The following TRIQK variants were observed in gnomAD, a reference collection of about 807,000 sequenced individuals.
The protein encoded by TRIQK is triple QxxK/R motif containing, also known as triple QxxK/R motif-containing protein.
TRIQK carries 10 observed loss-of-function variants against 10.8 expected under a neutral mutation model. The ratio of observed to expected loss-of-function variants is 0.92; its 90% CI spans 0.57 to 1.57. The LOEUF (loss-of-function observed/expected upper bound fraction) is 1.57. Among genes scored for constraint, TRIQK ranks in the 40% most tolerant of loss-of-function variants. The pLI, the probability that TRIQK is intolerant of heterozygous loss-of-function variation, is 0.00. For synonymous variants in TRIQK, 33 were observed against 33.7 expected (o/e 0.98, Z 0.07); for missense variants, 107 against 97.7 (o/e 1.09, Z -0.40).
At chr8:92,946,329 C>T (rs1811530790) in intron 2 of TRIQK, among the ~76,000 whole-genome samples, 1 of 152,060 alleles carries the variant, frequency 6.6e-6, no homozygotes, top group Non-Finnish European at 1.5e-5. Context: ...TTTTTCCAAC[C>T]TGGAACAGCT....
intron 1 of TRIQK, among the ~76,000 whole-genome samples, chr8:92,992,875 G>A (rs1813111960): frequency 1.3e-5 from 2 of 152,154 alleles, no homozygotes; most frequent in Non-Finnish European, 2.9e-5. Context: ...CTGAAATGGT[G>A]ACACCAATGA....
chr8:92,916,358 T>C (rs903017521), intron 3 of TRIQK, among the ~76,000 whole-genome samples: 2 of 152,154 alleles, frequency 1.3e-5, no homozygotes, highest in Admixed American at 6.6e-5. Context: ...TCTACTAGGG[T>C]AGTATCTCCT....
chr8:92,944,852 G>A (rs1372907497), intron 2 of TRIQK, among the ~76,000 whole-genome samples: 1 of 152,076 alleles, frequency 6.6e-6, no homozygotes, highest in South Asian at 2.1e-4. Context: ...GGAGAATTTT[G>A]AATGTTCTCA....
intron 2 of TRIQK, among the ~76,000 whole-genome samples, chr8:92,938,313 T>C (rs1375558624): frequency 1.3e-5 from 2 of 152,122 alleles, no homozygotes; most frequent in African/African-American, 2.4e-5. Context: ...ATTGGATATA[T>C]GTATACAATT....
Position 92,885,036 on chromosome 8 carries a change from T to C in TRIQK, c.*1586A>G, listed in dbSNP as rs770850643. On this transcript the variant is annotated 3_prime_UTR_variant, in exon 5 of 5. Transcript: ENST00000521988. Reference sequence around the variant, plus strand: ...GGATTGGTCCGCTGTGGTGAGTATATAAGAACTCTTGGTCTGTCTCTTGAG... The same window carrying C: ...GGATTGGTCCGCTGTGGTGAGTATACAAGAACTCTTGGTCTGTCTCTTGAG... 6.6e-6 allele frequency: 3 copies of C among 455,802 alleles called. No individual in the cohort carries two copies. Among genetic ancestry groups the C allele is most frequent in the South Asian group, 4.6e-5 (3 of 64,526 alleles). The allele number at this position is 455,802 out of a possible 1,614,324, so 28.2% of individuals were successfully genotyped here. A position where few individuals can be genotyped will look rare whatever the true frequency, so the allele number is the denominator to read the frequency against.
chr8:92,897,869 A>G (rs1398257904), intron 3 of TRIQK, among the ~76,000 whole-genome samples: 3 of 151,968 alleles, frequency 2.0e-5, no homozygotes, highest in Non-Finnish European at 4.4e-5. Flanking sequence ...AGAGGTTTAT[A>G]GTTATGCCTT....
At chr8:92,892,524 C>T (rs184715788) in intron 3 of TRIQK, among the ~76,000 whole-genome samples, 251 of 151,814 alleles carry the variant, frequency 1.7e-3, no homozygotes, top group Middle Eastern at 3.4e-3. Context: ...AGAAATATCC[C>T]CAAGTTTCCT....
At chr8:92,968,485 A>G (rs966712922), upstream of TRIQK, among the ~76,000 whole-genome samples, 2 of 152,150 alleles carry the variant, frequency 1.3e-5, no homozygotes, top group Non-Finnish European at 2.9e-5. Context: ...CTTTTTAATG[A>G]TCACCATTCT....
intron 2 of TRIQK, among the ~76,000 whole-genome samples, chr8:92,947,447 G>A (rs751821972): frequency 1.3e-5 from 2 of 151,892 alleles, no homozygotes; most frequent in African/African-American, 2.4e-5. Context: ...AGCTAGGCAT[G>A]GTGGTGGACT....
chr8:92,894,016 C>T (rs1050427141), intron 3 of TRIQK, among the ~76,000 whole-genome samples: 17 of 151,944 alleles, frequency 1.1e-4, no homozygotes, highest in African/African-American at 2.4e-5. Flanking sequence ...ACTTCAACTG[C>T]CATATAACCA....
chr8:92,923,880 C>A (rs1015377009), intron 2 of TRIQK, among the ~76,000 whole-genome samples: 2 of 151,654 alleles, frequency 1.3e-5, no homozygotes, highest in African/African-American at 4.8e-5. Flanking sequence ...TCATTTATAC[C>A]TTTTTTATGA....
intron 4 of TRIQK, among the ~76,000 whole-genome samples, chr8:92,890,279 C>T (rs1271835946): frequency 6.6e-6 from 1 of 151,696 alleles, no homozygotes; most frequent in Non-Finnish European, 1.5e-5. Flanking sequence ...AGGCTCTCCA[C>T]ATAAATTGTC....
chr8:92,952,080 G>GA lies in TRIQK; in HGVS notation c.-22+2325dup, dbSNP rs112928581. Among the ~76,000 whole-genome samples the GA allele has an allele frequency of 2.3e-3, 326 of 142,274 alleles. 1 individual carries two copies. The highest frequency in any genetic ancestry group is 5.7e-3 in the African/African-American group (224 of 39,116). 93.3% of individuals were successfully genotyped at this position (142,274 alleles called of 152,430 possible). On this transcript the variant is annotated intron_variant, in intron 2 of 4. Transcript: ENST00000521988. ...AAAAATTACAAGGCATACTAAAAGG[G>GA]AAAAAAAAAAACACAATTTGAAGAG...
chr8:92,999,888 G>C (rs528739836), intron 1 of TRIQK, among the ~76,000 whole-genome samples: 6 of 152,172 alleles, frequency 3.9e-5, no homozygotes, highest in African/African-American at 1.4e-4. Flanking sequence ...AATTTGAAGT[G>C]AGTTATACTT....
chr8:93,016,173 T>G (rs1168744923), intron 1 of TRIQK, among the ~76,000 whole-genome samples: 3 of 152,166 alleles, frequency 2.0e-5, no homozygotes, highest in Non-Finnish European at 4.4e-5. Context: ...TAGTATAAAG[T>G]CTGATCATAA....
chr8:92,888,899 C>A (rs1816618657), intron 4 of TRIQK, among the ~76,000 whole-genome samples: 1 of 151,548 alleles, frequency 6.6e-6, no homozygotes, highest in East Asian at 1.9e-4. Context: ...CTTCTAAATG[C>A]TAGAAAACCG....
chr8:92,971,231 G>A (rs1409450929), intron 1 of TRIQK, among the ~76,000 whole-genome samples: 1 of 151,828 alleles, frequency 6.6e-6, no homozygotes, highest in East Asian at 1.9e-4. Flanking sequence ...CACACACAAG[G>A]GAACAAGACA....
At position 92,886,663 on chromosome 8, in the gene TRIQK, T is replaced by C. The variant is rs1438470651; in HGVS notation, c.220A>G (p.Thr74Ala). 1 of 1,531,444 alleles carries C rather than the reference T, an allele frequency of 6.5e-7. No homozygotes were observed. Among genetic ancestry groups the C allele is most frequent in the Non-Finnish European group, 8.7e-7 (1 of 1,143,120 alleles). 94.9% of individuals were successfully genotyped at this position (1,531,444 alleles called of 1,614,324 possible). ...TCCAGATCAGGGTCAACATCCGTGG[T>C]GAGTCTGAGATAAAAGAAAGCATAG... is the stretch of plus-strand genomic sequence containing the variant. ...AFYAFFYLRL[T>A]TDVDPDLDQD... Residue 74 changes from threonine (T) to alanine (A), a missense_variant, in exon 5 of 5, where the codon ACC becomes GCC. Physicochemically the swap from Thr to Ala is moderately conservative, Grantham distance 58. Coordinates refer to ENST00000521988, the MANE Select transcript of TRIQK (RefSeq NM_001171797.2).
intron 1 of TRIQK, among the ~76,000 whole-genome samples, chr8:92,978,470 A>T (rs186663683): frequency 6.6e-6 from 1 of 152,256 alleles, no homozygotes; most frequent in Admixed American, 6.5e-5. Flanking sequence ...TGAGCCGCTC[A>T]ATTTGTATTC....
Sources: allele counts gnomAD v4.1 joint callset (sites outside exome capture counted in the v4.1 genomes callset), GRCh38; gene constraint gnomAD v4.1.1; transcripts MANE v1.5; gene names NCBI Gene and HGNC (gene_info 2026-07-23, HGNC 2026-07-21).